The following FSTL4 variants were observed in gnomAD, a reference collection of about 807,000 sequenced individuals.
The protein encoded by FSTL4 is follistatin like 4, also known as follistatin-related protein 4.
A neutral mutation model predicts 78.2 loss-of-function variants in FSTL4; 28 were observed. The ratio of observed to expected loss-of-function variants is 0.36; its 90% CI spans 0.27 to 0.49. The LOEUF (loss-of-function observed/expected upper bound fraction) is 0.49. Among genes scored for constraint, FSTL4 ranks in the 20% least tolerant of loss-of-function variants. FSTL4 has a pLI of 0.98. For synonymous variants in FSTL4, 422 were observed against 440.5 expected (o/e 0.96, Z 0.53); for missense variants, 922 against 1,084.9 (o/e 0.85, Z 2.11).
At chr5:133,637,935 C>A in the FSTL4 span, among the ~76,000 whole-genome samples, 2 of 146,050 alleles carry the variant, frequency 1.4e-5, no homozygotes, top group Admixed American at 7.0e-5. Flanking sequence ...AGTAAGACTC[C>A]GTCTCAAAAA....
the FSTL4 span, among the ~76,000 whole-genome samples, chr5:133,709,359 C>A: frequency 6.6e-6 from 1 of 152,256 alleles, no homozygotes; most frequent in Non-Finnish European, 1.5e-5. Context: ...CCTGTATGTG[C>A]AAACTCCACA....
intron 3 of FSTL4, among the ~76,000 whole-genome samples, chr5:133,520,117 C>G (rs1191268493): frequency 6.6e-6 from 1 of 152,132 alleles, no homozygotes; most frequent in African/African-American, 2.4e-5. Flanking sequence ...TTTCTCAGGA[C>G]CCTCCCTTCT....
rs535378066 is a variant in FSTL4 at position 133,577,083 on chromosome 5, A to G, written c.127-9864T>C. Among the ~76,000 whole-genome samples the G allele has an allele frequency of 1.9e-4, 29 of 152,312 alleles. No individual in the cohort carries two copies. The East Asian group carries it at 5.6e-3, about 29-fold the overall frequency. On this transcript the variant is annotated intron_variant, in intron 2 of 15. Transcript: ENST00000265342. ...GAGTTTTGCACACTTTATCTCATTT[A>G]TATGGCTGAGTTAAAGGCAGAAGGA...
At chr5:133,487,112 T>C (rs373642180) in intron 3 of FSTL4, among the ~76,000 whole-genome samples, 1 of 152,162 alleles carries the variant, frequency 6.6e-6, no homozygotes, top group South Asian at 2.1e-4. Flanking sequence ...ACCAATGAAC[T>C]GCATAGAAGG....
At chr5:133,518,264 AATATAT>A (rs1364327496) in intron 3 of FSTL4, among the ~76,000 whole-genome samples, 1 of 152,258 alleles carries the variant, frequency 6.6e-6, no homozygotes, top group Non-Finnish European at 1.5e-5. Flanking sequence ...CAATGTCTTT[AATATAT>A]AAAAGTGTTA....
At chr5:133,743,337 G>C in the FSTL4 span, among the ~76,000 whole-genome samples, 83,426 of 151,542 alleles carry the variant, frequency 0.55, 23,654 homozygotes, top group East Asian at 0.74. Context: ...TATTCAAACT[G>C]TTTGTCATTG....
intron 4 of FSTL4, among the ~76,000 whole-genome samples, chr5:133,328,330 T>C (rs1416447584): frequency 6.6e-6 from 1 of 152,244 alleles, no homozygotes; most frequent in Non-Finnish European, 1.5e-5. Context: ...AATGGTACAT[T>C]TGCTTATGAA....
intron 3 of FSTL4, among the ~76,000 whole-genome samples, chr5:133,488,657 A>G (rs1758188621): frequency 6.6e-6 from 1 of 152,230 alleles, no homozygotes. Context: ...GAAATATGCT[A>G]TTAAAAATGT....
the FSTL4 span, among the ~76,000 whole-genome samples, chr5:133,768,724 C>T: frequency 6.6e-6 from 1 of 152,334 alleles, no homozygotes; most frequent in Admixed American, 6.5e-5. Flanking sequence ...AACAGAGCCA[C>T]TGGGCAGCAG....
rs544261928 is a variant in FSTL4, at chr5:133,551,478, T to G, written c.160+15708A>C. On this transcript the variant is annotated intron_variant, in intron 3 of 15. Coordinates refer to ENST00000265342, the MANE Select transcript of FSTL4 (RefSeq NM_015082.2). Reference sequence around the variant, plus strand: ...TGTTTATCATCTGAATTTTGTACATTAAGAAAATGACACCAAGGGAGTTAA... The same window carrying G: ...TGTTTATCATCTGAATTTTGTACATGAAGAAAATGACACCAAGGGAGTTAA... 2.6e-5 allele frequency among the ~76,000 whole-genome samples: 4 copies of G among 152,328 alleles called. No homozygotes were observed. In the East Asian group the frequency reaches 7.7e-4, roughly 29 times the overall value.
At chr5:133,674,574 G>A in the FSTL4 span, among the ~76,000 whole-genome samples, 2 of 149,588 alleles carry the variant, frequency 1.3e-5, no homozygotes, top group Non-Finnish European at 3.0e-5. Context: ...GCATACCAAG[G>A]AGACTTCCAT....
intron 14 of FSTL4, among the ~76,000 whole-genome samples, chr5:133,202,948 C>CAGAT (rs1340372690): frequency 6.6e-6 from 1 of 152,208 alleles, no homozygotes; most frequent in African/African-American, 2.4e-5. Flanking sequence ...TGTGTGAAGT[C>CAGAT]AGATAGGATG....
rs931965477 is a variant in FSTL4 at position 133,251,901 on chromosome 5, G to A, written c.728-2325C>T. Among the ~76,000 whole-genome samples the A allele has an allele frequency of 3.9e-5, 6 of 152,186 alleles. No individual in the cohort carries two copies. The South Asian group carries it at 6.2e-4, about 16-fold the overall frequency. The stretch of plus-strand genomic sequence containing the variant: ...CTTGCTTGGGGGAATATCCTGACCC[G>A]CGAGTACACCAGACTGTGAGCCCAG... On this transcript the variant is annotated intron_variant, in intron 6 of 15. Coordinates refer to ENST00000265342, the MANE Select transcript of FSTL4 (RefSeq NM_015082.2).
chr5:133,541,914 A>G lies in FSTL4; in HGVS notation c.160+25272T>C, dbSNP rs138174398. Among the ~76,000 whole-genome samples, 1,293 of 145,110 alleles carry G rather than the reference A, an allele frequency of 8.9e-3. 19 individuals carry two copies. The highest frequency in any genetic ancestry group is 0.032 in the African/African-American group (1,217 of 37,902). ...CTGTGCCTTCTCAGCACACAGAGCT[A>G]GAGAATGTTACAGACACACACACAC... On this transcript the variant is annotated intron_variant, in intron 3 of 15. Coordinates refer to ENST00000265342, the MANE Select transcript of FSTL4 (RefSeq NM_015082.2).
chr5:133,204,221 G>A (rs528145207), intron 14 of FSTL4, among the ~76,000 whole-genome samples: 1 of 152,174 alleles, frequency 6.6e-6, no homozygotes, highest in South Asian at 2.1e-4. Flanking sequence ...GGGTGGGCCA[G>A]AGAGTGCTGG....
At chr5:133,242,188 G>T (rs1210187276) in intron 7 of FSTL4, among the ~76,000 whole-genome samples, 3 of 152,240 alleles carry the variant, frequency 2.0e-5, no homozygotes, top group African/African-American at 7.2e-5. Context: ...TGAAACAGCT[G>T]CATGGGGCTG....
intron 4 of FSTL4, among the ~76,000 whole-genome samples, chr5:133,352,491 C>A (rs1216460217): frequency 6.6e-6 from 1 of 151,870 alleles, no homozygotes; most frequent in Non-Finnish European, 1.5e-5. Context: ...CTCACAGCAA[C>A]CTCAACCTCC....
At chr5:133,678,409 G>T in the FSTL4 span, among the ~76,000 whole-genome samples, 33 of 152,302 alleles carry the variant, frequency 2.2e-4, 1 homozygote, top group African/African-American at 7.9e-4. Context: ...TGGTGAAGAT[G>T]ATGGAATTTG....
intron 2 of FSTL4, among the ~76,000 whole-genome samples, chr5:133,597,553 C>G (rs938441482): frequency 6.6e-6 from 1 of 152,158 alleles, no homozygotes; most frequent in Non-Finnish European, 1.5e-5. Context: ...TAATGGGTTT[C>G]TGTGAACTCA....
Sources: gnomAD v4.1 joint callset for allele counts (sites outside exome capture counted in the v4.1 genomes callset) on GRCh38, gnomAD v4.1.1 for gene constraint, MANE v1.5 for transcripts, NCBI Gene and HGNC (gene_info 2026-07-23, HGNC 2026-07-21) for gene names.